TECTA: variants seen among roughly 807,000 people sequenced by gnomAD.
TECTA encodes tectorin alpha.
A neutral mutation model predicts 216.8 loss-of-function variants in TECTA; 128 were observed. The observed-to-expected ratio is 0.59, with a 90% CI of 0.51 to 0.68. The LOEUF is 0.68. TECTA is among the 30% of genes least tolerant of loss of function. The pLI is 0.00. For missense variants in TECTA, 2,551 were observed against 2,786.2 expected (o/e 0.92, Z 1.90); for synonymous variants, 1,089 against 1,117.1 (o/e 0.97, Z 0.50).
rs142929996 is a variant in TECTA at position 121,160,303 on chromosome 11, G to A, written c.4858G>A (p.Gly1620Ser). The A allele has an allele frequency of 9.3e-6, 15 of 1,614,140 alleles. No homozygotes were observed. Among genetic ancestry groups the A allele is most frequent in the South Asian group, 5.5e-5 (5 of 91,072 alleles). ...ISERLQNKVC[G>S]LCGNFNGDLT... Reference sequence around the variant, plus strand: ...CGAGAGGCTGCAGAACAAAGTGTGCGGTCTCTGTGGCAACTTCAACGGGGA... The same window carrying A: ...CGAGAGGCTGCAGAACAAAGTGTGCAGTCTCTGTGGCAACTTCAACGGGGA... Residue 1620 changes from glycine to serine, a missense_variant, in exon 15 of 24, where the codon GGT (glycine) becomes AGT (serine). Coordinates refer to ENST00000392793, the MANE Select transcript of TECTA (RefSeq NM_005422.4).
chr11:121,117,355 C>G (rs972301405), intron 6 of TECTA, among the ~76,000 whole-genome samples: 1 of 152,134 alleles, frequency 6.6e-6, no homozygotes, highest in Non-Finnish European at 1.5e-5. Flanking sequence ...CTGCCCAGTT[C>G]TCTTGACCCC....
chr11:121,127,984 C>A lies in TECTA; in HGVS notation c.2007C>A (p.Ala669=). The part of the protein sequence containing the change: ...YTMGEFFWAT[A]NCTVQCLCEE... Reference sequence around the variant, plus strand: ...TGGGGGAGTTCTTCTGGGCCACGGCCAACTGCACTGTGCAATGCCTGTGCG... The same window carrying A: ...TGGGGGAGTTCTTCTGGGCCACGGCAAACTGCACTGTGCAATGCCTGTGCG... The change falls in exon 9 of 24, where the codon GCC becomes GCA. Residue 669 remains alanine (A), a synonymous_variant. Transcript: ENST00000392793. The surrounding 1 kb of genome is among the most constrained non-coding windows in gnomAD (Gnocchi z 5.0). 6.2e-7 allele frequency: 1 copy of A among 1,614,116 alleles called. No homozygotes were observed. Among genetic ancestry groups the A allele is most frequent in the East Asian group, 2.2e-5 (1 of 44,884 alleles).
rs1373998090 is a variant in TECTA at position 121,189,817 on chromosome 11, G to A, written c.6304G>A (p.Val2102Met). 6.2e-7 allele frequency: 1 copy of A among 1,614,006 alleles called. No homozygotes were observed. The highest frequency in any genetic ancestry group is 2.2e-5 in the East Asian group (1 of 44,878). Residue 2102 changes from valine to methionine, a missense_variant, in exon 23 of 24, where the codon GTG becomes ATG. Coordinates refer to ENST00000392793, the MANE Select transcript of TECTA (RefSeq NM_005422.4). ...GGCEQICTSRVDGPLCSCVTG... is the reference protein window; with the variant it reads ...GGCEQICTSRMDGPLCSCVTG... ...GTGTGAGCAGATTTGCACGAGCCGGGTGGATGGGCCTCTCTGCAGCTGTGT... is the reference window on the plus strand; with the variant it reads ...GTGTGAGCAGATTTGCACGAGCCGGATGGATGGGCCTCTCTGCAGCTGTGT...
Position 121,127,577 on chromosome 11 carries a change from A to G in TECTA, c.1775-175A>G, listed in dbSNP as rs77048337. Among the ~76,000 whole-genome samples the G allele has an allele frequency of 0.013, 1,917 of 152,314 alleles. 39 individuals carry two copies. Among genetic ancestry groups the G allele is most frequent in the African/African-American group, 0.044 (1,820 of 41,556 alleles). ...CCAATCATGCTGCTCAGTAGTTATT[A>G]GGAGAGTCATTGAGCTGGGTTTTAC... On this transcript the variant is annotated intron_variant, in intron 8 of 23. Coordinates refer to ENST00000392793, the MANE Select transcript of TECTA (RefSeq NM_005422.4). The surrounding 1 kb of genome is among the most constrained non-coding windows in gnomAD (Gnocchi z 5.0).
At chr11:121,140,888 C>G (rs1412816413) in intron 11 of TECTA, 1 of 152,304 alleles carries the variant, frequency 6.6e-6, no homozygotes, top group Non-Finnish European at 1.5e-5. Context: ...CTACAAAGCC[C>G]CTATTTCCAA....
At chr11:121,121,534 A>G (rs1372780670) in intron 7 of TECTA, among the ~76,000 whole-genome samples, 1 of 152,218 alleles carries the variant, frequency 6.6e-6, no homozygotes, top group East Asian at 1.9e-4. Flanking sequence ...GGACACAAGC[A>G]CAATGACTCT....
intron 20 of TECTA, among the ~76,000 whole-genome samples, chr11:121,177,777 A>G (rs2134205921): frequency 6.6e-6 from 1 of 152,332 alleles, no homozygotes; most frequent in Admixed American, 6.5e-5. Flanking sequence ...CCCTGCCCCC[A>G]GAGGTGGAGC....
At chr11:121,187,271 C>G (rs1405148498) in intron 20 of TECTA, among the ~76,000 whole-genome samples, 6 of 152,132 alleles carry the variant, frequency 3.9e-5, no homozygotes, top group Admixed American at 2.6e-4. Context: ...CTGGGGTTGT[C>G]TCTTGGCTCA....
intron 20 of TECTA, among the ~76,000 whole-genome samples, chr11:121,184,246 C>T (rs1476888495): frequency 1.3e-5 from 2 of 152,192 alleles, no homozygotes; most frequent in Middle Eastern, 3.2e-3. Context: ...ATCCAGGGAG[C>T]CAGATGCTAT....
intron 20 of TECTA, among the ~76,000 whole-genome samples, chr11:121,172,701 C>A (rs1429582927): frequency 6.6e-6 from 1 of 151,910 alleles, no homozygotes; most frequent in Non-Finnish European, 1.5e-5. Flanking sequence ...TGGGTATATA[C>A]CCAGTAATGG....
intron 3 of TECTA, among the ~76,000 whole-genome samples, chr11:121,108,583 AGTATACACACACACCACATCCCCC>A (rs1189633741): frequency 2.1e-5 from 3 of 145,988 alleles, no homozygotes; most frequent in Non-Finnish European, 4.5e-5. Flanking sequence ...CACACATCCC[AGTATACACACACACCACATCCCCC>A]GTATACACAC....
At chr11:121,164,739 G>A (rs1442532339) in intron 16 of TECTA, among the ~76,000 whole-genome samples, 2 of 152,082 alleles carry the variant, frequency 1.3e-5, no homozygotes, top group Non-Finnish European at 2.9e-5. Flanking sequence ...AATCGGAAAG[G>A]ACTAAGAAGC....
rs766661311 is a variant in TECTA at position 121,160,117 on chromosome 11, T to A, written c.4690-18T>A. On this transcript the variant is annotated intron_variant, in intron 14 of 23. Coordinates refer to ENST00000392793, the MANE Select transcript of TECTA (RefSeq NM_005422.4). ...CCTACTCTAAGCGTAATTATTTTCT[T>A]TTTTCCTCCTCCAATAGGTGAATGG... 1 of 1,614,210 alleles carries A rather than the reference T, an allele frequency of 6.2e-7. No individual in the cohort carries two copies. The highest frequency in any genetic ancestry group is 1.3e-5 in the African/African-American group (1 of 75,056).
At chr11:121,154,571 C>A (rs1380704710) in intron 13 of TECTA, among the ~76,000 whole-genome samples, 4 of 152,228 alleles carry the variant, frequency 2.6e-5, no homozygotes, top group Non-Finnish European at 5.9e-5. Context: ...AAAACCTATC[C>A]ATTTCTCAAC....
At position 121,127,986 on chromosome 11, in the gene TECTA, A is replaced by C; in HGVS notation, c.2009A>C (p.Asn670Thr). The change falls in exon 9 of 24, where the codon AAC becomes ACC. Residue 670 changes from asparagine (N) to threonine (T), a missense_variant. Physicochemically the swap from Asn to Thr is moderately conservative, Grantham distance 65. This residue lies in a region of TECTA where 2,375 missense variants were observed against 2,563.9 expected (regional missense o/e 0.93). Coordinates refer to ENST00000392793, the MANE Select transcript of TECTA (RefSeq NM_005422.4). The surrounding 1 kb of genome is among the most constrained non-coding windows in gnomAD (Gnocchi z 5.0). ...GGGGAGTTCTTCTGGGCCACGGCCA[A>C]CTGCACTGTGCAATGCCTGTGCGAG... is the stretch of plus-strand genomic sequence containing the variant. ...TMGEFFWATA[N>T]CTVQCLCEEG... 1 of 1,614,132 alleles carries C rather than the reference A, an allele frequency of 6.2e-7. No individual in the cohort carries two copies. Among genetic ancestry groups the C allele is most frequent in the Non-Finnish European group, 8.5e-7 (1 of 1,180,034 alleles).
At chr11:121,132,922 G>A (rs1284241311) in intron 10 of TECTA, among the ~76,000 whole-genome samples, 6 of 151,878 alleles carry the variant, frequency 4.0e-5, no homozygotes, top group Non-Finnish European at 4.4e-5. Context: ...TAGTAGAGAC[G>A]GGGGTTTCAC....
At chr11:121,166,417 A>G (rs952793979) in intron 17 of TECTA, among the ~76,000 whole-genome samples, 161 bp from the exon 18 acceptor site, 1 of 152,214 alleles carries the variant, frequency 6.6e-6, no homozygotes, top group Non-Finnish European at 1.5e-5. Context: ...ATGAATTCAT[A>G]TGCTCATTTG....
chr11:121,131,365 C>T (rs537718741), intron 10 of TECTA, among the ~76,000 whole-genome samples: 7 of 152,124 alleles, frequency 4.6e-5, no homozygotes, highest in Non-Finnish European at 7.4e-5. Context: ...CTCAGATTCC[C>T]GAATCGTTAA....
rs2135120004 is a variant in TECTA at position 121,157,771 on chromosome 11, GGGAC to G, written c.4306-69_4306-66del. On this transcript the variant is annotated intron_variant, in intron 13 of 23. Transcript: ENST00000392793. ...TAGCCAAGCCTGATAAAAGACGAGGGGGACTGGGCTTTCGGGTCCCCAGCCCTGA... is the reference window on the plus strand; with the variant it reads ...TAGCCAAGCCTGATAAAAGACGAGGGTGGGCTTTCGGGTCCCCAGCCCTGA... 6.8e-6 allele frequency: 11 copies of G among 1,608,388 alleles called. No individual in the cohort carries two copies. The East Asian group carries it at 2.2e-4, about 33-fold the overall frequency.
Sources: gnomAD v4.1 joint callset for allele counts (sites outside exome capture counted in the v4.1 genomes callset) on GRCh38, gnomAD v4.1.1 for gene constraint, gnomAD v4.1.1 regional missense constraint, Gnocchi (gnomAD v3.1) non-coding constraint, MANE v1.5 for transcripts, NCBI Gene and HGNC (gene_info 2026-07-23, HGNC 2026-07-21) for gene names.